PRKRIP1: variants seen among roughly 807,000 people sequenced by gnomAD.
PRKRIP1 encodes PRKR interacting protein 1.
Under a neutral mutation model 29.3 loss-of-function variants are expected in PRKRIP1, and 29 were observed. That is an observed-to-expected ratio of 0.99 (90% confidence interval 0.74 to 1.35). PRKRIP1 has a LOEUF of 1.35. PRKRIP1 is among the 40% of genes most tolerant of loss of function. PRKRIP1 has a pLI of 0.00. For synonymous variants in PRKRIP1, 90 were observed against 85.1 expected (o/e 1.06, Z -0.32); for missense variants, 247 against 236.8 (o/e 1.04, Z -0.28).
In PRKRIP1 at chr7:102,403,357, G is replaced by A. The variant is rs560654357; in HGVS notation, c.307-1241G>A. Among the ~76,000 whole-genome samples the A allele has an allele frequency of 7.9e-5, 12 of 152,310 alleles. 1 individual carries two copies. In the South Asian group the frequency reaches 1.5e-3, roughly 18 times the overall value. ...GTAAGCAGATGCGTACAGCCCTGGC[G>A]GTGCAGACCAGCAGAGGTGTTGAAG... On this transcript the variant is annotated intron_variant, in intron 3 of 5. Transcript: ENST00000397912.
chr7:102,401,881 C>T (rs185971646), intron 3 of PRKRIP1, among the ~76,000 whole-genome samples: 26 of 152,210 alleles, frequency 1.7e-4, no homozygotes, highest in African/African-American at 4.3e-4. Flanking sequence ...CCAGCCTGGG[C>T]GACAGAGTGA....
chr7:102,414,165 T>TGCAGTGA (rs1796470508), intron 5 of PRKRIP1, among the ~76,000 whole-genome samples: 1 of 151,924 alleles, frequency 6.6e-6, no homozygotes, highest in Non-Finnish European at 1.5e-5. Flanking sequence ...AGACGGTGGT[T>TGCAGTGA]GCAGTGAGCG....
intron 5 of PRKRIP1, among the ~76,000 whole-genome samples, chr7:102,414,419 A>C (rs1796476745): frequency 6.6e-6 from 1 of 152,210 alleles, no homozygotes; most frequent in South Asian, 2.1e-4. Context: ...GTACTGCTTA[A>C]TGAAGCAATT....
intron 1 of PRKRIP1, 93 bp downstream of exon 1, chr7:102,396,630 C>G (rs895216589): frequency 7.2e-7 from 1 of 1,380,850 alleles, no homozygotes; most frequent in Non-Finnish European, 9.9e-7. Context: ...TTCCCCGCCT[C>G]CAAACTCAGA....
intron 5 of PRKRIP1, among the ~76,000 whole-genome samples, chr7:102,416,799 C>T (rs1796560791): frequency 6.6e-6 from 1 of 151,896 alleles, no homozygotes; most frequent in South Asian, 2.1e-4. Flanking sequence ...CCTTCCTCAG[C>T]CTCCTGAGTA....
chr7:102,408,455 A>G (rs1290287519), intron 5 of PRKRIP1, among the ~76,000 whole-genome samples: 2 of 152,200 alleles, frequency 1.3e-5, no homozygotes, highest in Non-Finnish European at 2.9e-5. Context: ...TTAGGTCAGC[A>G]TCCCACCGTG....
At chr7:102,421,437 C>G (rs1796689587) in intron 5 of PRKRIP1, among the ~76,000 whole-genome samples, 2 of 151,976 alleles carry the variant, frequency 1.3e-5, no homozygotes, top group South Asian at 4.2e-4. Flanking sequence ...CTCAGCTACT[C>G]AGGAGGCTAC....
At chr7:102,407,623 C>CT (rs1302135542) in intron 5 of PRKRIP1, 125 bp downstream of exon 5, 1 of 710,426 alleles carries the variant, frequency 1.4e-6, no homozygotes, top group Non-Finnish European at 2.5e-6. Flanking sequence ...GAAATAACAG[C>CT]TTATTCATAT....
intron 5 of PRKRIP1, among the ~76,000 whole-genome samples, chr7:102,419,800 A>G (rs1796642569): frequency 6.6e-6 from 1 of 151,856 alleles, no homozygotes; most frequent in African/African-American, 2.4e-5. Flanking sequence ...GTGATTATGG[A>G]TAAAGCTTCA....
intron 3 of PRKRIP1, among the ~76,000 whole-genome samples, chr7:102,400,925 C>T (rs1796051192): frequency 6.6e-6 from 1 of 152,144 alleles, no homozygotes; most frequent in African/African-American, 2.4e-5. Flanking sequence ...CGTGAGCCAC[C>T]ATGCCCGGCC....
chr7:102,403,060 A>G (rs575011175), intron 3 of PRKRIP1, among the ~76,000 whole-genome samples: 4 of 152,036 alleles, frequency 2.6e-5, no homozygotes, highest in Non-Finnish European at 2.9e-5. Context: ...TTTTTAGTAG[A>G]GACAGGGTTT....
intron 3 of PRKRIP1, among the ~76,000 whole-genome samples, chr7:102,401,000 A>G (rs546925060): frequency 1.3e-5 from 2 of 152,326 alleles, no homozygotes; most frequent in Admixed American, 6.5e-5. Context: ...AATAACGTGC[A>G]TGCTTGAATG....
intron 2 of PRKRIP1, among the ~76,000 whole-genome samples, chr7:102,398,459 A>G (rs1267119332): frequency 6.6e-6 from 1 of 151,606 alleles, no homozygotes; most frequent in Non-Finnish European, 1.5e-5. Flanking sequence ...TGATTGTTTT[A>G]TTTTTAGTAG....
intron 5 of PRKRIP1, among the ~76,000 whole-genome samples, chr7:102,412,362 C>A (rs918542029): frequency 6.6e-6 from 1 of 152,022 alleles, no homozygotes; most frequent in Non-Finnish European, 1.5e-5. Context: ...TGAGACCAGC[C>A]TGGTCAACAA....
chr7:102,411,001 C>T (rs536403678), intron 5 of PRKRIP1, among the ~76,000 whole-genome samples: 25 of 152,288 alleles, frequency 1.6e-4, no homozygotes, highest in African/African-American at 3.1e-4. Context: ...TCACGGCTCG[C>T]GGCGGCCTTG....
chr7:102,397,224 G>A (rs1166167930), intron 1 of PRKRIP1, among the ~76,000 whole-genome samples: 1 of 152,150 alleles, frequency 6.6e-6, no homozygotes, highest in Admixed American at 6.6e-5. Flanking sequence ...TGCTTCATTA[G>A]TCAATTAAAA....
At chr7:102,404,783 AGGG>A in intron 4 of PRKRIP1, 100 bp downstream of exon 4, 1 of 823,346 alleles carries the variant, frequency 1.2e-6, no homozygotes, top group Non-Finnish European at 2.0e-6. Flanking sequence ...CATGACCTGT[AGGG>A]GTCATGAATG....
chr7:102,411,382 T>G (rs563520520), intron 5 of PRKRIP1, among the ~76,000 whole-genome samples: 158 of 151,846 alleles, frequency 1.0e-3, no homozygotes, highest in East Asian at 1.4e-3. Context: ...CTTGTTTTTT[T>G]TTTGTTTGTT....
At chr7:102,400,059 C>T (rs1208009883) in intron 3 of PRKRIP1, among the ~76,000 whole-genome samples, 2 of 150,632 alleles carry the variant, frequency 1.3e-5, no homozygotes, top group Non-Finnish European at 2.9e-5. Flanking sequence ...AGAATAGATA[C>T]TGCTAGTTGT....
Sources: allele counts gnomAD v4.1 joint callset (sites outside exome capture counted in the v4.1 genomes callset), GRCh38; gene constraint gnomAD v4.1.1; transcripts MANE v1.5; gene names NCBI Gene and HGNC (gene_info 2026-07-23, HGNC 2026-07-21).